Variants in PLA2R1 observed in about 807,000 individuals in gnomAD.
The protein encoded by PLA2R1 is secretory phospholipase A2 receptor.
PLA2R1 carries 158 observed loss-of-function variants against 195.9 expected under a neutral mutation model. The ratio of observed to expected loss-of-function variants is 0.81; its 90% confidence interval spans 0.71 to 0.92. PLA2R1 has a LOEUF of 0.92. Among genes scored for constraint, PLA2R1 ranks in the 40% least tolerant of loss-of-function variants. The pLI is 0.00. For synonymous variants in PLA2R1, 586 were observed against 598.2 expected (o/e 0.98, Z 0.30); for missense variants, 1,626 against 1,764.6 (o/e 0.92, Z 1.41).
At position 159,942,149 on chromosome 2, in the gene PLA2R1, A is replaced by G. The variant is rs200059806; in HGVS notation, c.4155T>C (p.Thr1385=). The G allele has an allele frequency of 5.6e-5, 90 of 1,609,426 alleles. 1 individual carries two copies. In the Middle Eastern group the frequency reaches 1.2e-3, roughly 21 times the overall value. Residue 1385 remains threonine, a synonymous_variant, in exon 29 of 30, where the codon ACT becomes ACC. Coordinates refer to ENST00000283243, the MANE Select transcript of PLA2R1 (RefSeq NM_007366.5). ...TACCTTTTTCTGGCAGCGCCTCTGC[A>G]GTGTGAATATCTAAAATCAAATACA... ...FICKMEADIH[T]AEALPEKGPS...
At chr2:159,955,502 A>G (rs1431796221) in intron 22 of PLA2R1, among the ~76,000 whole-genome samples, 156 bp from the exon 23 acceptor site, 1 of 151,980 alleles carries the variant, frequency 6.6e-6, no homozygotes, top group African/African-American at 2.4e-5. Flanking sequence ...AACCTACAAA[A>G]TAAACAATTA....
rs1049217799 is a variant in PLA2R1 at position 159,937,199 on chromosome 2, T to C, written c.*4579A>G. On this transcript the variant is annotated 3_prime_UTR_variant, in exon 30 of 30. Transcript: ENST00000283243. ...TACAAGTAAAATTAAAAGGCTTTAC[T>C]AAGACTCTTCAAATAACTGTTCATT... The C allele has an allele frequency of 6.6e-6, 1 of 152,204 alleles. No homozygotes were observed. The highest frequency in any genetic ancestry group is 6.5e-5 in the Admixed American group (1 of 15,284). 9.4% of individuals were successfully genotyped at this position (152,204 alleles called of 1,614,324 possible).
At chr2:160,018,305 T>C (rs1186870434) in intron 8 of PLA2R1, among the ~76,000 whole-genome samples, 3 of 152,082 alleles carry the variant, frequency 2.0e-5, no homozygotes, top group Non-Finnish European at 4.4e-5. Context: ...TCACCTAAAT[T>C]ATATCAAAAC....
chr2:160,044,342 A>T (rs1432853855), intron 2 of PLA2R1, among the ~76,000 whole-genome samples: 1 of 152,172 alleles, frequency 6.6e-6, no homozygotes, highest in Admixed American at 6.5e-5. Context: ...GGTGTCCTGG[A>T]CACATACCTC....
At chr2:159,930,511 C>T (rs563071436), downstream of PLA2R1, among the ~76,000 whole-genome samples, 1 of 152,200 alleles carries the variant, frequency 6.6e-6, no homozygotes, top group South Asian at 2.1e-4. Flanking sequence ...ACTCATGTAA[C>T]CAAACACCAC....
chr2:159,960,436 AAATG>A (rs999521331), intron 20 of PLA2R1, among the ~76,000 whole-genome samples: 2 of 152,194 alleles, frequency 1.3e-5, no homozygotes, highest in Non-Finnish European at 2.9e-5. Flanking sequence ...TCGAGATAGT[AAATG>A]AATGAATGAA....
chr2:159,973,054 C>T (rs879697214), intron 17 of PLA2R1, among the ~76,000 whole-genome samples: 9 of 152,064 alleles, frequency 5.9e-5, no homozygotes, highest in Admixed American at 2.0e-4. Flanking sequence ...AAAGCACATA[C>T]GTAATTTTAA....
Position 159,984,082 on chromosome 2 carries a change from T to C in PLA2R1, c.2038-9A>G. 1 of 1,309,870 alleles carries C rather than the reference T, an allele frequency of 7.6e-7. No homozygotes were observed. Among genetic ancestry groups the C allele is most frequent in the Non-Finnish European group, 1.1e-6 (1 of 926,268 alleles). The allele number at this position is 1,309,870 out of a possible 1,614,324, so 81.1% of individuals were successfully genotyped here. A position where few individuals can be genotyped will look rare whatever the true frequency, so the allele number is the denominator to read the frequency against. ...TTTTCACTATGAAATACCTGTATAG[T>C]AAAAGAAAATAAATTAACATTGTTA... On this transcript the variant is annotated splice_polypyrimidine_tract_variant and intron_variant, in intron 12 of 29. Transcript: ENST00000283243.
chr2:159,974,598 C>T (rs936360429), intron 17 of PLA2R1, among the ~76,000 whole-genome samples: 2 of 152,024 alleles, frequency 1.3e-5, no homozygotes, highest in Admixed American at 6.6e-5. Flanking sequence ...GTGTATTTTC[C>T]GACATCATGG....
rs370635459 is a variant in PLA2R1 at position 159,984,051 on chromosome 2, A to G, written c.2060T>C (p.Leu687Pro). 40 of 1,573,320 alleles carry G rather than the reference A, an allele frequency of 2.5e-5. No individual in the cohort carries two copies. The African/African-American group carries it at 5.3e-4, about 21-fold the overall frequency. Reference protein sequence around the residue: ...CFKVFHSEKVLMKRTWREAEA... With the variant: ...CFKVFHSEKVPMKRTWREAEA... ...AGCTTCTCTCCATGTTCTTTTCATC[A>G]GAACTTTTTCACTATGAAATACCTG... Residue 687 changes from leucine (L) to proline (P), a missense_variant, in exon 13 of 30, where the codon CTG (leucine) becomes CCG (proline). Physicochemically the swap from Leu to Pro is moderately conservative, Grantham distance 98. Transcript: ENST00000283243.
downstream of PLA2R1, among the ~76,000 whole-genome samples, chr2:159,930,715 C>T (rs1043948616): frequency 2.0e-5 from 3 of 152,112 alleles, no homozygotes; most frequent in South Asian, 2.1e-4. Flanking sequence ...ATGTATCCAC[C>T]TCACCACAGG....
chr2:159,948,803 C>T (rs539522282), intron 25 of PLA2R1, among the ~76,000 whole-genome samples: 10 of 152,018 alleles, frequency 6.6e-5, no homozygotes, highest in Middle Eastern at 3.4e-3. Flanking sequence ...GATACAGTAC[C>T]CAGAATGTAA....
chr2:160,016,136 C>T (rs192667442), intron 9 of PLA2R1, among the ~76,000 whole-genome samples: 4 of 151,886 alleles, frequency 2.6e-5, no homozygotes, highest in African/African-American at 9.7e-5. Flanking sequence ...TAGTGGCGCA[C>T]GCCTGTAATC....
Position 160,020,235 on chromosome 2 carries a change from C to G in PLA2R1, c.1323G>C (p.Leu441Phe). 1 of 1,609,590 alleles carries G rather than the reference C, an allele frequency of 6.2e-7. No homozygotes were observed. The highest frequency in any genetic ancestry group is 8.5e-7 in the Non-Finnish European group (1 of 1,177,294). Residue 441 changes from leucine to phenylalanine, a missense_variant, in exon 8 of 30, where the codon TTG becomes TTC. Coordinates refer to ENST00000283243, the MANE Select transcript of PLA2R1 (RefSeq NM_007366.5). ...DENASETWIG[L>F]SSNKIPVSFE... Reference sequence around the variant, plus strand: ...AGGAAACTGGAATTTTATTGCTGCTCAAACCAATCCATGTTTCTGATGCAT... The same window carrying G: ...AGGAAACTGGAATTTTATTGCTGCTGAAACCAATCCATGTTTCTGATGCAT...
At chr2:160,053,078 C>A (rs545120885) in intron 1 of PLA2R1, among the ~76,000 whole-genome samples, 9 of 152,082 alleles carry the variant, frequency 5.9e-5, no homozygotes, top group Non-Finnish European at 8.8e-5. Context: ...AGGCTGGAAG[C>A]GTGAGATTAC....
intron 17 of PLA2R1, 33 bp downstream of exon 17, chr2:159,976,035 C>G: frequency 6.5e-7 from 1 of 1,544,446 alleles, no homozygotes; most frequent in Non-Finnish European, 8.9e-7. Context: ...GTGCTAAACT[C>G]TGAATTTTTC....
chr2:159,969,394 C>A, intron 18 of PLA2R1, 35 bp from the exon 19 acceptor site: 1 of 1,101,682 alleles, frequency 9.1e-7, no homozygotes. Context: ...GGTCTTCTCT[C>A]ATTCTGCATG....
At chr2:159,963,462 A>G (rs939515966) in intron 20 of PLA2R1, among the ~76,000 whole-genome samples, 24 of 152,226 alleles carry the variant, frequency 1.6e-4, no homozygotes, top group African/African-American at 5.8e-4. Flanking sequence ...AACCTACAGA[A>G]TGACTGAAAA....
At chr2:160,008,914 A>T (rs1692169576) in intron 10 of PLA2R1, among the ~76,000 whole-genome samples, 1 of 152,242 alleles carries the variant, frequency 6.6e-6, no homozygotes, top group African/African-American at 2.4e-5. Context: ...TTCTCCAAAG[A>T]AGATACACAG....
Sources: gnomAD v4.1 joint callset for allele counts (sites outside exome capture counted in the v4.1 genomes callset) on GRCh38, gnomAD v4.1.1 for gene constraint, MANE v1.5 for transcripts, NCBI Gene and HGNC (gene_info 2026-07-23, HGNC 2026-07-21) for gene names.